Variants in SNX8 observed in about 807,000 individuals in gnomAD.
The protein encoded by SNX8 is sorting nexin 8, also known as sorting nexin-8.
A neutral mutation model predicts 51.6 loss-of-function variants in SNX8; 25 were observed. The observed-to-expected ratio is 0.48, with a 90% CI of 0.35 to 0.68. The LOEUF (loss-of-function observed/expected upper bound fraction) is 0.68. Among genes scored for constraint, SNX8 ranks in the 30% least tolerant of loss-of-function variants. The pLI is 0.00. For synonymous variants in SNX8, 324 were observed against 277.0 expected (o/e 1.17, Z -1.68); for missense variants, 695 against 624.0 (o/e 1.11, Z -1.21).
rs1392644705 is a variant in SNX8 at position 2,303,086 on chromosome 7, G to A, written c.94+11242C>T. Among the ~76,000 whole-genome samples the A allele has an allele frequency of 2.5e-4, 37 of 147,606 alleles. No individual in the cohort carries two copies. In the Middle Eastern group the frequency reaches 0.012, roughly 47 times the overall value. On this transcript the variant is annotated intron_variant, in intron 1 of 10. Coordinates refer to ENST00000222990, the MANE Select transcript of SNX8 (RefSeq NM_013321.4). ...AGGTCAGCCCCCCACCCGGCCAGCCGCCCCGTCCGGGAGGGAGGTGGGGGG... is the reference window on the plus strand; with the variant it reads ...AGGTCAGCCCCCCACCCGGCCAGCCACCCCGTCCGGGAGGGAGGTGGGGGG...
In SNX8 at chr7:2,278,096, T is replaced by G; in HGVS notation, c.300+4A>C. 6.2e-7 allele frequency: 1 copy of G among 1,612,104 alleles called. No individual in the cohort carries two copies. Among genetic ancestry groups the G allele is most frequent in the Non-Finnish European group, 8.5e-7 (1 of 1,178,574 alleles). On this transcript the variant is annotated splice_donor_region_variant and intron_variant, in intron 2 of 10. Transcript: ENST00000222990. ...CCCCGACACACACACAATTTGCCAG[T>G]TACCTGGCTGGAAACCTCATACTCC... is the stretch of plus-strand genomic sequence containing the variant.
In SNX8 at chr7:2,255,013, G is replaced by C. The variant is rs528855268; in HGVS notation, c.*43C>G. On this transcript the variant is annotated 3_prime_UTR_variant, in exon 11 of 11. Transcript: ENST00000222990. ...CACCGGGACACACCGTTTGGAAAGA[G>C]GTTTTAGTGCGGCCGCAGGGAGCAC... 7.7e-7 allele frequency: 1 copy of C among 1,292,984 alleles called. No homozygotes were observed. The highest frequency in any genetic ancestry group is 1.5e-5 in the African/African-American group (1 of 68,188). The allele number at this position is 1,292,984 out of a possible 1,614,324, so 80.1% of individuals were successfully genotyped here. A position where few individuals can be genotyped will look rare whatever the true frequency, so the allele number is the denominator to read the frequency against.
intron 1 of SNX8, among the ~76,000 whole-genome samples, chr7:2,320,028 T>C (rs763541095): frequency 5.3e-5 from 8 of 152,030 alleles, no homozygotes; most frequent in Non-Finnish European, 1.0e-4. Context: ...TATACAAGTA[T>C]AAAAGTACAA....
intron 1 of SNX8, among the ~76,000 whole-genome samples, chr7:2,332,085 T>C (rs1393930666): frequency 6.6e-6 from 1 of 150,572 alleles, no homozygotes; most frequent in Non-Finnish European, 1.5e-5. Flanking sequence ...CTTGCACCTG[T>C]AGTTCCAGCT....
At chr7:2,309,097 T>A (rs921507067) in intron 1 of SNX8, among the ~76,000 whole-genome samples, 1 of 151,704 alleles carries the variant, frequency 6.6e-6, no homozygotes, top group East Asian at 2.0e-4. Context: ...ACACAAATCT[T>A]TTTTTTAAAT....
intron 1 of SNX8, among the ~76,000 whole-genome samples, chr7:2,313,535 A>AAAAG (rs1796701638): frequency 2.7e-5 from 4 of 149,592 alleles, no homozygotes; most frequent in East Asian, 4.0e-4. Flanking sequence ...AAAAAAAAAA[A>AAAAG]AAAAGAAAAG....
chr7:2,323,347 A>AC (rs1465360773), intron 1 of SNX8, among the ~76,000 whole-genome samples: 2 of 150,484 alleles, frequency 1.3e-5, no homozygotes, highest in South Asian at 2.1e-4. Context: ...AAAAAAAAAA[A>AC]AACAACCAAA....
chr7:2,352,197 C>T (rs1055823318), intron 1 of SNX8, among the ~76,000 whole-genome samples: 3 of 151,876 alleles, frequency 2.0e-5, no homozygotes, highest in Non-Finnish European at 4.4e-5. Flanking sequence ...CAGGTGTGAG[C>T]CACCATGCCC....
At chr7:2,272,728 T>C (rs1001869783) in intron 3 of SNX8, among the ~76,000 whole-genome samples, 5 of 152,158 alleles carry the variant, frequency 3.3e-5, no homozygotes, top group African/African-American at 1.2e-4. Flanking sequence ...ATGCAATTAC[T>C]CATTGCTTTC....
At chr7:2,352,545 A>G (rs1779168984) in intron 1 of SNX8, among the ~76,000 whole-genome samples, 1 of 152,098 alleles carries the variant, frequency 6.6e-6, no homozygotes, top group African/African-American at 2.4e-5. Context: ...TGTAGAAAAA[A>G]CATACTCCCA....
At chr7:2,327,846 ATTTTCT>A (rs2115231930) in intron 1 of SNX8, among the ~76,000 whole-genome samples, 1 of 151,140 alleles carries the variant, frequency 6.6e-6, no homozygotes, top group South Asian at 2.1e-4. Flanking sequence ...CCTGGCCAGC[ATTTTCT>A]TTTTCTTATT....
chr7:2,321,365 G>C (rs1778509649), intron 1 of SNX8, among the ~76,000 whole-genome samples: 1 of 152,114 alleles, frequency 6.6e-6, no homozygotes, highest in Non-Finnish European at 1.5e-5. Flanking sequence ...GCCTTCAGCA[G>C]ATCCTCCCCA....
intron 3 of SNX8, 170 bp downstream of exon 3, chr7:2,274,942 A>C (rs1401972168): frequency 5.1e-6 from 3 of 583,752 alleles, no homozygotes; most frequent in Non-Finnish European, 9.2e-6. Flanking sequence ...GCCTGCACCA[A>C]GGCTGGGCTC....
chr7:2,351,632 A>G (rs1393587025), intron 1 of SNX8, among the ~76,000 whole-genome samples: 1 of 151,914 alleles, frequency 6.6e-6, no homozygotes, highest in East Asian at 1.9e-4. Flanking sequence ...GGAGAGTGAG[A>G]CCATCCTGAC....
In SNX8 at chr7:2,291,151, C is replaced by A. The variant is rs571987439; in HGVS notation, c.95-12846G>T. ...TTTCTACCAAAAAAAAGAAAAAAAA[C>A]CAGTCAGGCGTGGTGGTGTGAATCT... On this transcript the variant is annotated intron_variant, in intron 1 of 10. Coordinates refer to ENST00000222990, the MANE Select transcript of SNX8 (RefSeq NM_013321.4). Among the ~76,000 whole-genome samples, 196 of 152,008 alleles carry A rather than the reference C, an allele frequency of 1.3e-3. 1 individual carries two copies. Among genetic ancestry groups the A allele is most frequent in the East Asian group, 2.1e-3 (11 of 5,174 alleles).
chr7:2,295,128 C>T (rs747802059), intron 1 of SNX8, among the ~76,000 whole-genome samples: 8 of 152,110 alleles, frequency 5.3e-5, no homozygotes, highest in South Asian at 2.1e-4. Context: ...GTAGGCCAAG[C>T]GCGGTGGCTC....
rs974094127 is a variant in SNX8 at position 2,346,639 on chromosome 7, G to T, written c.-66+7583C>A. 1.1e-4 allele frequency among the ~76,000 whole-genome samples: 17 copies of T among 151,102 alleles called. No individual in the cohort carries two copies. The South Asian group carries it at 3.3e-3, about 30-fold the overall frequency. On this transcript the variant is annotated intron_variant, in intron 1 of 5. Transcript: ENST00000435336. ...TGGGCACCTGTAGTCCCAGCTACTT[G>T]GGAGGCTGAGGCAGGAGAATGGCGT... is the stretch of plus-strand genomic sequence containing the variant.
intron 3 of SNX8, among the ~76,000 whole-genome samples, chr7:2,273,918 A>C (rs1175257113): frequency 1.3e-5 from 2 of 151,762 alleles, no homozygotes; most frequent in East Asian, 1.9e-4. Context: ...AAAAAAAAAA[A>C]CACCATAAAA....
At chr7:2,271,824 G>T (rs1245278735) in intron 4 of SNX8, 26 bp downstream of exon 4, 1 of 1,584,962 alleles carries the variant, frequency 6.3e-7, no homozygotes, top group South Asian at 1.1e-5. Context: ...CCGGGGCCGG[G>T]ACATGGGCAG....
Sources: gnomAD v4.1 joint callset for allele counts (sites outside exome capture counted in the v4.1 genomes callset) on GRCh38, gnomAD v4.1.1 for gene constraint, MANE v1.5 for transcripts, NCBI Gene and HGNC (gene_info 2026-07-23, HGNC 2026-07-21) for gene names.